RBMS2: variants seen among roughly 807,000 people sequenced by gnomAD.
RBMS2 encodes the protein RNA-binding motif, single-stranded-interacting protein 2.
Under a neutral mutation model 58.4 loss-of-function variants are expected in RBMS2, and 38 were observed. The ratio of observed to expected loss-of-function variants is 0.65; its 90% CI spans 0.50 to 0.85. The LOEUF (loss-of-function observed/expected upper bound fraction) is 0.85, where lower values mean the gene tolerates loss of function less well. Ranked by LOEUF, RBMS2 falls within the 40% of genes least tolerant of loss-of-function variation. The pLI, the probability that RBMS2 is intolerant of heterozygous loss-of-function variation, is 0.00. For missense variants in RBMS2, 367 were observed against 503.7 expected, an observed-to-expected ratio of 0.73 and a Z score of 2.60; for synonymous variants, 151 against 180.7, an observed-to-expected ratio of 0.84 and a Z score of 1.32.
At chr12:56,533,602 G>C (rs1380913718) in intron 1 of RBMS2, among the ~76,000 whole-genome samples, 1 of 147,994 alleles carries the variant, frequency 6.8e-6, no homozygotes, top group Non-Finnish European at 1.5e-5. Context: ...TTTTAGTAGA[G>C]ACAGGGTTTC....
chr12:56,571,610 C>G (rs1882307074), intron 4 of RBMS2, 88 bp from the exon 5 acceptor site: 1 of 1,378,238 alleles, frequency 7.3e-7, no homozygotes, highest in African/African-American at 1.5e-5. Flanking sequence ...CCTATAGTCT[C>G]TTTTCTGAAA....
intron 1 of RBMS2, among the ~76,000 whole-genome samples, chr12:56,530,350 CTTTTTT>C (rs71081373): frequency 4.7e-5 from 3 of 63,776 alleles, no homozygotes; most frequent in South Asian, 6.5e-4. Context: ...TTTCTTTTTC[CTTTTTT>C]TTTTTTTTTT....
intron 5 of RBMS2, among the ~76,000 whole-genome samples, chr12:56,580,673 C>T (rs936452367): frequency 6.6e-6 from 1 of 152,160 alleles, no homozygotes; most frequent in Non-Finnish European, 1.5e-5. Context: ...CTTTTTCTAT[C>T]ACTATGGGCC....
chr12:56,555,466 A>G (rs1167946565), intron 1 of RBMS2, among the ~76,000 whole-genome samples: 3 of 151,260 alleles, frequency 2.0e-5, no homozygotes, highest in Admixed American at 6.6e-5. Context: ...AGGAAGAAGA[A>G]GACCTTGGCC....
rs750923101 is a variant in RBMS2 at position 56,581,867 on chromosome 12, C to G, written c.767C>G (p.Ala256Gly). 1.2e-6 allele frequency: 2 copies of G among 1,614,152 alleles called. No individual in the cohort carries two copies. The highest frequency in any genetic ancestry group is 1.7e-6 in the Non-Finnish European group (2 of 1,179,998). ...VMALTYDPTT[A>G]LQNGFYPAPY... ...GCCTTGACCTATGACCCCACCACAG[C>G]TCTTCAGAATGGGTAAGGTTTTATA... is the stretch of plus-strand genomic sequence containing the variant. The change falls in exon 8 of 14, where the codon GCT becomes GGT. Residue 256 changes from alanine to glycine, a missense_variant. By Grantham distance (60) the Ala-to-Gly change is moderately conservative (BLOSUM62 0). Transcript: ENST00000262031.
At chr12:56,536,998 G>A (rs1370081967) in intron 1 of RBMS2, among the ~76,000 whole-genome samples, 1 of 148,612 alleles carries the variant, frequency 6.7e-6, no homozygotes, top group Non-Finnish European at 1.5e-5. Context: ...TTGGCTCACT[G>A]CAACCTCCGC....
intron 2 of RBMS2, 30 bp from the exon 3 acceptor site, chr12:56,568,945 A>G (rs1399556804): frequency 6.4e-7 from 1 of 1,568,408 alleles, no homozygotes; most frequent in African/African-American, 1.4e-5. Context: ...TGCCCCCCAG[A>G]TTATTACTTT....
intron 5 of RBMS2, among the ~76,000 whole-genome samples, chr12:56,572,146 A>G (rs944858003): frequency 1.3e-5 from 2 of 151,766 alleles, no homozygotes; most frequent in Non-Finnish European, 2.9e-5. Flanking sequence ...AAAATTAGCC[A>G]GACGTGGTGG....
chr12:56,565,950 C>T (rs1318221066), intron 2 of RBMS2, among the ~76,000 whole-genome samples: 5 of 152,158 alleles, frequency 3.3e-5, no homozygotes, highest in Non-Finnish European at 7.4e-5. Context: ...TGCTAGACCA[C>T]AGCAAGCTCC....
chr12:56,539,454 T>A (rs1378764133), intron 1 of RBMS2, among the ~76,000 whole-genome samples: 3 of 152,202 alleles, frequency 2.0e-5, no homozygotes, highest in Non-Finnish European at 4.4e-5. Context: ...TCTTCCCACC[T>A]TCTGTGTATA....
intron 4 of RBMS2, among the ~76,000 whole-genome samples, chr12:56,570,617 G>A (rs778368749): frequency 1.1e-4 from 16 of 151,934 alleles, no homozygotes; most frequent in South Asian, 4.1e-4. Flanking sequence ...TCGCTCTGTC[G>A]CCCCGGCTGG....
Position 56,588,380 on chromosome 12 carries a change from G to C in RBMS2, c.1143+6G>C, listed in dbSNP as rs1169964299. ...CTTCCAGTGTTTCAGTCGAGGTAAG[G>C]GTGTTATCATTTCTTTGGATTGAGA... On this transcript the variant is annotated splice_donor_region_variant and intron_variant, in intron 12 of 13. Coordinates refer to ENST00000262031, the MANE Select transcript of RBMS2 (RefSeq NM_002898.4). 3.1e-6 allele frequency: 5 copies of C among 1,606,832 alleles called. No homozygotes were observed. Among genetic ancestry groups the C allele is most frequent in the Non-Finnish European group, 4.3e-6 (5 of 1,173,740 alleles).
chr12:56,543,839 T>C (rs1166175326), intron 1 of RBMS2, among the ~76,000 whole-genome samples: 4 of 151,136 alleles, frequency 2.6e-5, no homozygotes, highest in Non-Finnish European at 5.9e-5. Flanking sequence ...GGCTAATTTT[T>C]GTATTTTTAG....
chr12:56,544,108 T>C (rs563823595), intron 1 of RBMS2, among the ~76,000 whole-genome samples: 1 of 150,720 alleles, frequency 6.6e-6, no homozygotes, highest in Admixed American at 6.7e-5. Context: ...AAACCCCATC[T>C]CTACTAAAAA....
intron 1 of RBMS2, among the ~76,000 whole-genome samples, chr12:56,547,934 G>A (rs1426996432): frequency 6.6e-6 from 1 of 151,894 alleles, no homozygotes; most frequent in African/African-American, 2.4e-5. Flanking sequence ...TTACAGGTGT[G>A]AGCCACCGTG....
intron 1 of RBMS2, among the ~76,000 whole-genome samples, chr12:56,532,782 C>T (rs1874009606): frequency 6.6e-6 from 1 of 152,036 alleles, no homozygotes; most frequent in South Asian, 2.1e-4. Context: ...AATAGAGGAA[C>T]ACCTGTAAGA....
intron 1 of RBMS2, among the ~76,000 whole-genome samples, chr12:56,543,766 C>T (rs1422378807): frequency 6.6e-6 from 1 of 151,670 alleles, no homozygotes; most frequent in Non-Finnish European, 1.5e-5. Flanking sequence ...CTCCCAGGTT[C>T]AAGTGATTCT....
At chr12:56,536,254 A>C (rs1349315747) in intron 1 of RBMS2, among the ~76,000 whole-genome samples, 2 of 150,460 alleles carry the variant, frequency 1.3e-5, no homozygotes, top group Non-Finnish European at 3.0e-5. Flanking sequence ...AGGGCGAGGC[A>C]GGCAGAGTAC....
chr12:56,569,658 G>T (rs1881961538), intron 3 of RBMS2, among the ~76,000 whole-genome samples: 1 of 152,116 alleles, frequency 6.6e-6, no homozygotes, highest in African/African-American at 2.4e-5. Flanking sequence ...ATTTCTTAAG[G>T]GGGAGGGAGA....
Sources: allele counts gnomAD v4.1 joint callset (sites outside exome capture counted in the v4.1 genomes callset), GRCh38; gene constraint gnomAD v4.1.1; transcripts MANE v1.5; gene names NCBI Gene and HGNC (gene_info 2026-07-23, HGNC 2026-07-21).